Variants in TCF4 observed in about 807,000 individuals in gnomAD.
The protein encoded by TCF4 is SL3-3 enhancer factor 2.
TCF4 carries 3 observed loss-of-function variants against 82.1 expected under a neutral mutation model. The observed-to-expected ratio is 0.04, with a 90% CI of 0.02 to 0.09. The LOEUF is 0.09. Among genes scored for constraint, TCF4 ranks in the 10% least tolerant of loss-of-function variants. TCF4 has a pLI of 1.00. For missense variants in TCF4, 518 were observed against 852.7 expected, an observed-to-expected ratio of 0.61 and a Z score of 4.89; for synonymous variants, 276 against 309.6, an observed-to-expected ratio of 0.89 and a Z score of 1.14.
chr18:55,253,369 G>A (rs897153656), intron 15 of TCF4, among the ~76,000 whole-genome samples: 4 of 152,086 alleles, frequency 2.6e-5, no homozygotes, highest in East Asian at 1.9e-4. Context: ...AACTTTTAGC[G>A]AGCCTGTAAG....
chr18:55,326,502 G>A (rs1401028368), intron 8 of TCF4, among the ~76,000 whole-genome samples: 1 of 150,524 alleles, frequency 6.6e-6, no homozygotes, highest in Non-Finnish European at 1.5e-5. Flanking sequence ...ACAGCACCAT[G>A]CTAAACTCTT....
rs148781967 is a variant in TCF4, at chr18:55,553,608, T to A, written c.145+31672A>T. Among the ~76,000 whole-genome samples, 248 of 152,310 alleles carry A rather than the reference T, an allele frequency of 1.6e-3. 1 individual carries two copies. Among genetic ancestry groups the A allele is most frequent in the Middle Eastern group, 6.8e-3 (2 of 294 alleles). On this transcript the variant is annotated intron_variant, in intron 3 of 19. Transcript: ENST00000354452. Reference sequence around the variant, plus strand: ...TTATGTATTTACTCTCTGTCTTTAGTTTGGGTGGTAAAGTTTACGAAGCTC... The same window carrying A: ...TTATGTATTTACTCTCTGTCTTTAGATTGGGTGGTAAAGTTTACGAAGCTC...
chr18:55,467,493 T>C (rs1351860906), intron 3 of TCF4, among the ~76,000 whole-genome samples: 1 of 152,190 alleles, frequency 6.6e-6, no homozygotes, highest in African/African-American at 2.4e-5. Context: ...GTAACTTTTA[T>C]GCACACAGGA....
chr18:55,356,519 T>A (rs2083562425), intron 6 of TCF4, among the ~76,000 whole-genome samples: 1 of 152,196 alleles, frequency 6.6e-6, no homozygotes. Context: ...ACTGCTACTG[T>A]TAATTCAACT....
At chr18:55,441,304 T>A (rs1317671586) in intron 5 of TCF4, among the ~76,000 whole-genome samples, 1 of 152,246 alleles carries the variant, frequency 6.6e-6, no homozygotes, top group Non-Finnish European at 1.5e-5. Context: ...TCCAATCATA[T>A]CCTTTGTTTC....
chr18:55,248,163 A>G (rs908166126), intron 15 of TCF4, among the ~76,000 whole-genome samples: 13 of 151,870 alleles, frequency 8.6e-5, no homozygotes, highest in African/African-American at 3.1e-4. Context: ...TAAATTGATA[A>G]AGATCAAAAC....
At chr18:55,491,712 G>T (rs1259756938) in intron 3 of TCF4, among the ~76,000 whole-genome samples, 2 of 152,226 alleles carry the variant, frequency 1.3e-5, no homozygotes, top group East Asian at 3.9e-4. Context: ...AGTTTAATGG[G>T]CTCCGTTTAC....
chr18:55,563,625 A>G (rs947876236), intron 3 of TCF4, among the ~76,000 whole-genome samples: 2 of 152,230 alleles, frequency 1.3e-5, no homozygotes, highest in African/African-American at 4.8e-5. Flanking sequence ...GCCCTCCACA[A>G]GGTATGGCCT....
Position 55,537,134 on chromosome 18 carries a change from G to GA in TCF4, c.145+48145_145+48146insT, listed in dbSNP as rs1568343265. Reference sequence around the variant, plus strand: ...GGGCAACAGAGCGAGACTCCGTCTCGGAAAAAAAAAAAAAAAAAAAGTACT... The same window carrying GA: ...GGGCAACAGAGCGAGACTCCGTCTCGAGAAAAAAAAAAAAAAAAAAAGTACT... On this transcript the variant is annotated intron_variant, in intron 3 of 19. Transcript: ENST00000354452. 1.0e-3 allele frequency among the ~76,000 whole-genome samples: 114 copies of GA among 113,160 alleles called. 3 individuals are homozygous for GA. Among genetic ancestry groups the GA allele is most frequent in the South Asian group, 2.6e-3 (10 of 3,802 alleles). The allele number at this position is 113,160 out of a possible 152,430, so 74.2% of individuals were successfully genotyped here. A position where few individuals can be genotyped will look rare whatever the true frequency, so the allele number is the denominator to read the frequency against.
At chr18:55,380,869 G>T (rs779735264) in intron 6 of TCF4, among the ~76,000 whole-genome samples, 1 of 152,240 alleles carries the variant, frequency 6.6e-6, no homozygotes. Context: ...ATTGCTTCAG[G>T]AGCTGGTAGG....
chr18:55,338,699 TC>T (rs749844142), intron 8 of TCF4, among the ~76,000 whole-genome samples: 1 of 152,008 alleles, frequency 6.6e-6, no homozygotes, highest in Non-Finnish European at 1.5e-5. Flanking sequence ...TGAAGTATTC[TC>T]CCCCCCACAA....
chr18:55,495,391 T>G (rs2096623928), intron 3 of TCF4, among the ~76,000 whole-genome samples: 1 of 152,088 alleles, frequency 6.6e-6, no homozygotes, highest in Non-Finnish European at 1.5e-5. Flanking sequence ...GTAGAATAAT[T>G]TAACTTTTAA....
chr18:55,604,382 C>T (rs1427366896), intron 2 of TCF4, among the ~76,000 whole-genome samples: 1 of 152,052 alleles, frequency 6.6e-6, no homozygotes, highest in Non-Finnish European at 1.5e-5. Context: ...CCTTGTCTTC[C>T]TCTTTTTTCT....
intron 2 of TCF4, chr18:55,585,793 T>G: frequency 9.1e-7 from 1 of 1,099,654 alleles, no homozygotes; most frequent in Non-Finnish European, 1.1e-6. Context: ...TGAACCCAAA[T>G]AAAAATAAAA....
chr18:55,279,413 T>C lies in TCF4; in HGVS notation c.655+138A>G, dbSNP rs1008559654. On this transcript the variant is annotated intron_variant, in intron 9 of 19. Coordinates refer to ENST00000354452, the MANE Select transcript of TCF4 (RefSeq NM_001083962.2). The stretch of plus-strand genomic sequence containing the variant: ...AATTAATACATCAATTTTTAAGGAA[T>C]TCAATTCCTAAGAAGAGCATGACTT... The C allele has an allele frequency of 3.0e-6, 4 of 1,316,586 alleles. No homozygotes were observed. In the African/African-American group the frequency reaches 5.8e-5, roughly 19 times the overall value. 81.6% of individuals were successfully genotyped at this position (1,316,586 alleles called of 1,614,324 possible). A position where few individuals can be genotyped will look rare whatever the true frequency, so the allele number is the denominator to read the frequency against.
At chr18:55,603,564 C>A (rs1056055809) in intron 2 of TCF4, among the ~76,000 whole-genome samples, 26 of 152,124 alleles carry the variant, frequency 1.7e-4, no homozygotes, top group Admixed American at 6.6e-5. Context: ...TCTGTGCATA[C>A]TTCTAAGAGA....
chr18:55,375,891 A>T (rs1287295887), intron 6 of TCF4, among the ~76,000 whole-genome samples: 1 of 152,096 alleles, frequency 6.6e-6, no homozygotes, highest in Non-Finnish European at 1.5e-5. Flanking sequence ...TCCTAAGTAG[A>T]AAGGTTCTAT....
At chr18:55,586,887 G>T (rs2097654666) in intron 2 of TCF4, 158 bp downstream of exon 2, 7 of 599,112 alleles carry the variant, frequency 1.2e-5, no homozygotes, top group South Asian at 8.9e-5. Context: ...CAAAATTATA[G>T]TTAAAAACTT....
chr18:55,621,462 A>G (rs1336557726), intron 2 of TCF4, among the ~76,000 whole-genome samples: 4 of 59,112 alleles, frequency 6.8e-5, no homozygotes, highest in African/African-American at 2.3e-4. Context: ...TATATAATAT[A>G]TAATATATAT....
Sources: allele counts gnomAD v4.1 joint callset (sites outside exome capture counted in the v4.1 genomes callset), GRCh38; gene constraint gnomAD v4.1.1; transcripts MANE v1.5; gene names NCBI Gene and HGNC (gene_info 2026-07-23, HGNC 2026-07-21).